The following TRMT11 variants were observed in gnomAD, a reference collection of about 807,000 sequenced individuals.
TRMT11 encodes the protein tRNA (guanine(10)-N(2))-methyltransferase TRMT11.
TRMT11 carries 53 observed loss-of-function variants against 62.8 expected under a neutral mutation model. The ratio of observed to expected loss-of-function variants is 0.84; its 90% CI spans 0.68 to 1.06. The LOEUF (loss-of-function observed/expected upper bound fraction) is 1.06, where lower values mean the gene tolerates loss of function less well. Ranked by LOEUF, TRMT11 falls within the 50% of genes least tolerant of loss-of-function variation. The probability of loss-of-function intolerance (pLI) is 0.00; values close to 1 mark genes in which losing one functional copy is unlikely to be tolerated. For missense variants in TRMT11, 556 were observed against 553.4 expected (o/e 1.00, Z -0.05); for synonymous variants, 188 against 190.3 (o/e 0.99, Z 0.10).
At chr6:126,258,422 G>A in the TRMT11 span, 4 of 333,220 alleles carry the variant, frequency 1.2e-5, no homozygotes, top group Non-Finnish European at 2.3e-5. Context: ...TGGCTGGCCC[G>A]GGTTAGCCTG....
chr6:125,998,202 A>C (rs1317743839), intron 4 of TRMT11, 21 bp from the exon 5 acceptor site: 12 of 1,597,154 alleles, frequency 7.5e-6, no homozygotes, highest in Non-Finnish European at 1.0e-5. Flanking sequence ...TACTCAAAAA[A>C]CTGATTTCCT....
At chr6:126,074,946 T>C (rs907538717) in intron 17 of TRMT11, among the ~76,000 whole-genome samples, 1 of 152,208 alleles carries the variant, frequency 6.6e-6, no homozygotes. Flanking sequence ...TTCATGATTG[T>C]CTTCCGTCTG....
chr6:126,251,909 T>G, the TRMT11 span, among the ~76,000 whole-genome samples: 1 of 152,184 alleles, frequency 6.6e-6, no homozygotes, highest in Non-Finnish European at 1.5e-5. Context: ...AACATAATCT[T>G]GAGAAAGATT....
At chr6:126,151,070 T>C (rs906324370) in intron 21 of TRMT11, among the ~76,000 whole-genome samples, 2 of 152,224 alleles carry the variant, frequency 1.3e-5, no homozygotes, top group African/African-American at 4.8e-5. Context: ...TCTCATTTTC[T>C]ACCTGTTAAC....
At chr6:126,234,885 T>A in the TRMT11 span, among the ~76,000 whole-genome samples, 1 of 152,168 alleles carries the variant, frequency 6.6e-6, no homozygotes, top group African/African-American at 2.4e-5. Context: ...GAGGCAAACA[T>A]TTTACTCTAT....
intron 21 of TRMT11, among the ~76,000 whole-genome samples, chr6:126,116,188 A>C (rs1246281800): frequency 6.6e-6 from 1 of 151,926 alleles, no homozygotes; most frequent in African/African-American, 2.4e-5. Context: ...GGCAAATAAC[A>C]AGAAGGCTCA....
chr6:126,098,283 T>C (rs1777361708), intron 17 of TRMT11, among the ~76,000 whole-genome samples: 1 of 152,182 alleles, frequency 6.6e-6, no homozygotes, highest in African/African-American at 2.4e-5. Context: ...TCTTGACACC[T>C]CCTCCCAGTC....
intron 17 of TRMT11, among the ~76,000 whole-genome samples, chr6:126,075,490 T>C (rs1336391995): frequency 1.3e-5 from 2 of 151,966 alleles, no homozygotes; most frequent in African/African-American, 2.4e-5. Flanking sequence ...CCCCCACTTA[T>C]CTCTCTTCCC....
At chr6:126,046,645 G>A (rs540004548) in intron 16 of TRMT11, among the ~76,000 whole-genome samples, 1 of 152,318 alleles carries the variant, frequency 6.6e-6, no homozygotes, top group South Asian at 2.1e-4. Flanking sequence ...GTATGGCTGT[G>A]TTGAATACAG....
intron 1 of TRMT11, among the ~76,000 whole-genome samples, chr6:126,177,539 A>G (rs1778400626): frequency 6.6e-6 from 1 of 152,042 alleles, no homozygotes; most frequent in Non-Finnish European, 1.5e-5. Context: ...AGCTTTAGGT[A>G]TTTTCTATTG....
chr6:126,047,597 A>G (rs1418535493), intron 16 of TRMT11, among the ~76,000 whole-genome samples: 4 of 152,166 alleles, frequency 2.6e-5, no homozygotes, highest in Non-Finnish European at 5.9e-5. Context: ...GGCAAGGTGT[A>G]AAAGGCTGTC....
the TRMT11 span, among the ~76,000 whole-genome samples, chr6:126,259,992 T>C: frequency 1.3e-5 from 2 of 152,294 alleles, no homozygotes; most frequent in East Asian, 3.9e-4. Flanking sequence ...CAGAATATAG[T>C]TGGGTCTAGT....
At chr6:126,117,780 G>C (rs1777607060) in intron 21 of TRMT11, among the ~76,000 whole-genome samples, 1 of 152,066 alleles carries the variant, frequency 6.6e-6, no homozygotes, top group Non-Finnish European at 1.5e-5. Flanking sequence ...ACACTGAATA[G>C]TAGAAATATC....
At position 125,986,618 on chromosome 6, in the gene TRMT11, T is replaced by G; in HGVS notation, c.68T>G (p.Leu23Arg). The change falls in exon 1 of 13, where the codon CTG becomes CGG. Residue 23 changes from leucine to arginine, a missense_variant. Transcript: ENST00000334379. ...GCGCAGGAGCATCTGGAGTTCCGCC[T>G]GCCGGTGAGTCCGTAGCGCCCTCCG... ...LMAQEHLEFR[L>R]PEIKSLLLLF... is the part of the protein sequence containing the mutation. The G allele has an allele frequency of 6.3e-7, 1 of 1,581,860 alleles. No individual in the cohort carries two copies. The highest frequency in any genetic ancestry group is 8.6e-7 in the Non-Finnish European group (1 of 1,165,550).
intron 21 of TRMT11, among the ~76,000 whole-genome samples, chr6:126,122,492 A>G (rs1293077639): frequency 6.6e-6 from 1 of 152,106 alleles, no homozygotes; most frequent in African/African-American, 2.4e-5. Flanking sequence ...GTAAGAACTG[A>G]CCATAAAGAA....
At chr6:126,080,846 A>G (rs1777145826) in intron 17 of TRMT11, among the ~76,000 whole-genome samples, 1 of 152,188 alleles carries the variant, frequency 6.6e-6, no homozygotes, top group Non-Finnish European at 1.5e-5. Flanking sequence ...TCCTGAATGT[A>G]TAATGGGAAT....
At position 126,066,382 on chromosome 6, in the gene TRMT11, A is replaced by T. The variant is rs146545759; in HGVS notation, c.*1437+13192A>T. Among the ~76,000 whole-genome samples the T allele has an allele frequency of 1.4e-4, 21 of 152,338 alleles. No homozygotes were observed. In the East Asian group the frequency reaches 3.5e-3, roughly 25 times the overall value. ...CATTCCTTACCGTTCTAGAAGCTGG[A>T]CGTCCAAGATCAGGATGCCAGCATG... On this transcript the variant is annotated intron_variant and NMD_transcript_variant, in intron 17 of 22. Transcript: ENST00000648977.
chr6:126,060,450 A>G (rs182818214), intron 17 of TRMT11, among the ~76,000 whole-genome samples: 1 of 152,132 alleles, frequency 6.6e-6, no homozygotes, highest in East Asian at 1.9e-4. Flanking sequence ...GCCTTGCAGT[A>G]CCCCCACCTC....
chr6:126,144,058 G>A (rs1198428423), intron 21 of TRMT11, among the ~76,000 whole-genome samples: 3 of 152,170 alleles, frequency 2.0e-5, no homozygotes, highest in Non-Finnish European at 2.9e-5. Context: ...TTTTGATCTT[G>A]TTTGAATTAA....
Sources: gnomAD v4.1 joint callset for allele counts (sites outside exome capture counted in the v4.1 genomes callset) on GRCh38, gnomAD v4.1.1 for gene constraint, MANE v1.5 for transcripts, NCBI Gene and HGNC (gene_info 2026-07-23, HGNC 2026-07-21) for gene names.